SDK1: variants seen among roughly 807,000 people sequenced by gnomAD.
The protein encoded by SDK1 is sidekick cell adhesion molecule 1.
SDK1 carries 157 observed loss-of-function variants against 245.5 expected under a neutral mutation model. The observed-to-expected ratio is 0.64, with a 90% CI of 0.56 to 0.73. The LOEUF (loss-of-function observed/expected upper bound fraction) is 0.73. SDK1 is among the 30% of genes least tolerant of loss of function. The pLI, the probability that SDK1 is intolerant of heterozygous loss-of-function variation, is 0.00. For missense variants in SDK1, 3,583 were observed against 3,002.3 expected (o/e 1.19, Z -4.52); for synonymous variants, 1,647 against 1,278.5 (o/e 1.29, Z -6.15).
At chr7:3,824,964 C>A (rs557285534) in intron 5 of SDK1, among the ~76,000 whole-genome samples, 60 of 152,174 alleles carry the variant, frequency 3.9e-4, no homozygotes, top group African/African-American at 1.3e-3. Context: ...GAGAGGATTT[C>A]CCTGAACTCT....
intron 4 of SDK1, among the ~76,000 whole-genome samples, chr7:3,759,442 A>C (rs142906672): frequency 6.6e-6 from 1 of 152,302 alleles, no homozygotes; most frequent in Non-Finnish European, 1.5e-5. Flanking sequence ...GCATGACTTT[A>C]AAGTATTAGT....
At chr7:3,663,394 A>T (rs1252844978) in intron 4 of SDK1, among the ~76,000 whole-genome samples, 3 of 152,134 alleles carry the variant, frequency 2.0e-5, no homozygotes, top group Non-Finnish European at 4.4e-5. Context: ...AACTAAATGA[A>T]ATATATAGGG....
In SDK1 at chr7:4,266,394, C is replaced by G. The variant is rs1788470384; in HGVS notation, c.*1010C>G. 1.0e-6 allele frequency: 1 copy of G among 985,334 alleles called. No individual in the cohort carries two copies. Among genetic ancestry groups the G allele is most frequent in the Non-Finnish European group, 1.2e-6 (1 of 829,928 alleles). The allele number at this position is 985,334 out of a possible 1,614,324, so 61.0% of individuals were successfully genotyped here. On this transcript the variant is annotated 3_prime_UTR_variant, in exon 45 of 45. Coordinates refer to ENST00000404826, the MANE Select transcript of SDK1 (RefSeq NM_152744.4). Reference sequence around the variant, plus strand: ...AACAGTGTCTGCAAATAAAGCAAAACAGCTCTGAGAACACACGCTCCCGAC... The same window carrying G: ...AACAGTGTCTGCAAATAAAGCAAAAGAGCTCTGAGAACACACGCTCCCGAC...
chr7:4,194,869 A>G (rs975049136), intron 35 of SDK1, among the ~76,000 whole-genome samples: 1 of 152,210 alleles, frequency 6.6e-6, no homozygotes, highest in Non-Finnish European at 1.5e-5. Context: ...ACTCAGTATT[A>G]ACCATCACAA....
intron 4 of SDK1, among the ~76,000 whole-genome samples, chr7:3,721,649 A>C (rs896477380): frequency 6.6e-6 from 1 of 152,138 alleles, no homozygotes; most frequent in Middle Eastern, 3.4e-3. Context: ...GGTGTTTCCA[A>C]AGGAGGGTAG....
At position 3,808,268 on chromosome 7, in the gene SDK1, A is replaced by G. The variant is rs575502274; in HGVS notation, c.714-13182A>G. Among the ~76,000 whole-genome samples the G allele has an allele frequency of 9.8e-5, 15 of 152,298 alleles. No homozygotes were observed. The East Asian group carries it at 2.1e-3, about 22-fold the overall frequency. On this transcript the variant is annotated intron_variant, in intron 4 of 44. Transcript: ENST00000404826. ...TAGAGAAGAAGAGTTGACGGGGAGC[A>G]TGGTGCCCCTTCTGAGAAGTGACAA...
intron 1 of SDK1, among the ~76,000 whole-genome samples, chr7:3,513,174 T>G (rs1018645059): frequency 1.2e-4 from 18 of 152,164 alleles, no homozygotes; most frequent in African/African-American, 3.4e-4. Flanking sequence ...GACACTAGAT[T>G]TAGTCTTTCA....
intron 1 of SDK1, among the ~76,000 whole-genome samples, chr7:3,435,137 T>G (rs1203681343): frequency 6.6e-6 from 1 of 151,456 alleles, no homozygotes; most frequent in Admixed American, 6.6e-5. Context: ...TTATTGTGAT[T>G]CTTAATAATT....
intron 1 of SDK1, among the ~76,000 whole-genome samples, chr7:3,612,981 C>T (rs1168034152): frequency 6.6e-6 from 1 of 151,514 alleles, no homozygotes; most frequent in Admixed American, 6.6e-5. Flanking sequence ...TATTCATTAT[C>T]TCTTTAAAAT....
intron 41 of SDK1, 87 bp from the exon 42 acceptor site, chr7:4,237,560 C>T: frequency 2.6e-6 from 4 of 1,512,942 alleles, no homozygotes; most frequent in Non-Finnish European, 3.7e-6. Context: ...CTACCCCAGC[C>T]TTCCCTGCCA....
At chr7:4,128,228 G>C (rs934679224) in intron 26 of SDK1, among the ~76,000 whole-genome samples, 1 of 152,138 alleles carries the variant, frequency 6.6e-6, no homozygotes, top group African/African-American at 2.4e-5. Context: ...CCTGGGTTTT[G>C]AGCGTGCCTC....
intron 7 of SDK1, chr7:3,958,030 C>T (rs1242533646): frequency 4.2e-6 from 2 of 470,760 alleles, no homozygotes; most frequent in Non-Finnish European, 8.8e-6. Context: ...TTCTCTTTTT[C>T]ATCTTTTAGG....
chr7:3,808,476 A>G (rs1317595715), intron 4 of SDK1, among the ~76,000 whole-genome samples: 1 of 152,202 alleles, frequency 6.6e-6, no homozygotes, highest in African/African-American at 2.4e-5. Flanking sequence ...CTTACTGGCA[A>G]CTTCTGAATA....
chr7:3,475,847 G>T (rs1313789474), intron 1 of SDK1, among the ~76,000 whole-genome samples: 1 of 152,180 alleles, frequency 6.6e-6, no homozygotes, highest in African/African-American at 2.4e-5. Flanking sequence ...CTGGCTCTCT[G>T]TGGCATCATG....
At chr7:3,635,372 T>A (rs1782425535) in intron 2 of SDK1, among the ~76,000 whole-genome samples, 1 of 152,234 alleles carries the variant, frequency 6.6e-6, no homozygotes, top group Admixed American at 6.5e-5. Context: ...TAATCTTGAA[T>A]TACCTGTGTT....
At chr7:4,253,756 C>G (rs1787457093) in intron 44 of SDK1, among the ~76,000 whole-genome samples, 1 of 152,098 alleles carries the variant, frequency 6.6e-6, no homozygotes, top group South Asian at 2.1e-4. Context: ...TCTGTGTCTC[C>G]CTTCAAATCT....
In SDK1 at chr7:3,974,476, T is replaced by A. The variant is rs1406891851; in HGVS notation, c.1925T>A (p.Ile642Asn). 6.2e-7 allele frequency: 1 copy of A among 1,614,116 alleles called. No homozygotes were observed. The highest frequency in any genetic ancestry group is 8.5e-7 in the Non-Finnish European group (1 of 1,180,022). The change falls in exon 13 of 45, where the codon ATC (isoleucine) becomes AAC (asparagine). Residue 642 changes from isoleucine (I) to asparagine (N), a missense_variant. Ile to Asn is a moderately radical substitution (Grantham distance 149, BLOSUM62 -3). Coordinates refer to ENST00000404826, the MANE Select transcript of SDK1 (RefSeq NM_152744.4). Reference protein sequence around the residue: ...LLISQTWSGDIGDYSCEIVSE... With the variant: ...LLISQTWSGDNGDYSCEIVSE... ...ATCAGCCAGACGTGGTCAGGCGACA[T>A]CGGTGACTACAGCTGCGAGATTGTT...
chr7:3,436,009 A>G (rs1266873160), intron 1 of SDK1, among the ~76,000 whole-genome samples: 1 of 152,270 alleles, frequency 6.6e-6, no homozygotes, highest in Non-Finnish European at 1.5e-5. Context: ...TTTAGAAGTT[A>G]TAAATGAGCT....
At chr7:3,374,832 T>G (rs1054261830) in intron 1 of SDK1, among the ~76,000 whole-genome samples, 1 of 152,190 alleles carries the variant, frequency 6.6e-6, no homozygotes, top group Admixed American at 6.5e-5. Flanking sequence ...CCCCTTGTTA[T>G]GCCCATTATT....
Sources: allele counts gnomAD v4.1 joint callset (sites outside exome capture counted in the v4.1 genomes callset), GRCh38; gene constraint gnomAD v4.1.1; transcripts MANE v1.5; gene names NCBI Gene and HGNC (gene_info 2026-07-23, HGNC 2026-07-21).